ITGA2: variants seen among roughly 807,000 people sequenced by gnomAD.
The protein encoded by ITGA2 is integrin alpha-2.
A neutral mutation model predicts 146.3 loss-of-function variants in ITGA2; 101 were observed. The ratio of observed to expected loss-of-function variants is 0.69; its 90% CI spans 0.59 to 0.81. ITGA2 has a LOEUF of 0.81. Among genes scored for constraint, ITGA2 ranks in the 40% least tolerant of loss-of-function variants. The pLI is 0.00. For synonymous variants in ITGA2, 477 were observed against 487.1 expected (o/e 0.98, Z 0.27); for missense variants, 1,281 against 1,402.7 (o/e 0.91, Z 1.39).
chr5:53,048,391 G>T lies in ITGA2; in HGVS notation c.416G>T (p.Cys139Phe). The T allele has an allele frequency of 6.2e-7, 1 of 1,614,152 alleles. No individual in the cohort carries two copies. Among genetic ancestry groups the T allele is most frequent in the Non-Finnish European group, 8.5e-7 (1 of 1,179,982 alleles). ...LTCGPLWAQQ[C>F]GNQYYTTGVC... is the part of the protein sequence containing the mutation. ...TGTGGTCCTCTGTGGGCACAGCAAT[G>T]TGGGAATCAGTATTACACAACGGGT... Residue 139 changes from cysteine to phenylalanine, a missense_variant, in exon 5 of 30, where the codon TGT becomes TTT. Around this residue, in one of 3 missense-constraint regions of ITGA2, gnomAD observed 795 missense variants for 841.7 expected, o/e 0.94. Transcript: ENST00000296585.
At position 53,089,973 on chromosome 5, in the gene ITGA2, G is replaced by A; in HGVS notation, c.3376G>A (p.Glu1126Lys). 1 of 1,612,154 alleles carries A rather than the reference G, an allele frequency of 6.2e-7. No homozygotes were observed. Among genetic ancestry groups the A allele is most frequent in the Non-Finnish European group, 8.5e-7 (1 of 1,178,274 alleles). The change falls in exon 29 of 30, where the codon GAG (glutamate) becomes AAG (lysine). Residue 1126 changes from glutamate to lysine, a missense_variant. Glu to Lys is a moderately conservative substitution (Grantham distance 56, BLOSUM62 1). Around this residue, in one of 3 missense-constraint regions of ITGA2, gnomAD observed 475 missense variants for 530.5 expected, o/e 0.90. Coordinates refer to ENST00000296585, the MANE Select transcript of ITGA2 (RefSeq NM_002203.4). ...TIPLMIMKPD[E>K]KAEVPTGVII... ...TCCCCTGATGATAATGAAACCTGATGAGAAAGCCGAAGTACCAACAGGAGT... is the reference window on the plus strand; with the variant it reads ...TCCCCTGATGATAATGAAACCTGATAAGAAAGCCGAAGTACCAACAGGAGT...
intron 12 of ITGA2, 78 bp downstream of exon 12, chr5:53,061,124 A>G: frequency 7.2e-7 from 1 of 1,397,318 alleles, no homozygotes. Context: ...ACAGAAATGG[A>G]AAACAACATG....
At chr5:53,052,366 T>C (rs1241725076) in intron 7 of ITGA2, among the ~76,000 whole-genome samples, 1 of 152,066 alleles carries the variant, frequency 6.6e-6, no homozygotes, top group Non-Finnish European at 1.5e-5. Context: ...TCTGTTCCTA[T>C]GTAAGTTTGC....
Position 53,059,968 on chromosome 5 carries a change from C to T in ITGA2, c.1268C>T (p.Ala423Val), listed in dbSNP as rs145972986. 7 of 1,612,164 alleles carry T rather than the reference C, an allele frequency of 4.3e-6. No individual in the cohort carries two copies. The African/African-American group carries it at 6.7e-5, about 15-fold the overall frequency. The stretch of plus-strand genomic sequence containing the variant: ...GGCCATTTGATCTTTCCTAAACAAG[C>T]CTTTGACCAAATTCTGCAGGACAGA... The part of the protein sequence containing the change: ...SHGHLIFPKQ[A>V]FDQILQDRNH... Residue 423 changes from alanine (A) to valine (V), a missense_variant, in exon 11 of 30, where the codon GCC (alanine) becomes GTC (valine). Ala to Val is a moderately conservative substitution (Grantham distance 64, BLOSUM62 0). Around this residue, in one of 3 missense-constraint regions of ITGA2, gnomAD observed 795 missense variants for 841.7 expected, o/e 0.94. Coordinates refer to ENST00000296585, the MANE Select transcript of ITGA2 (RefSeq NM_002203.4).
chr5:53,010,251 G>A (rs1742056795), intron 1 of ITGA2, among the ~76,000 whole-genome samples: 1 of 152,186 alleles, frequency 6.6e-6, no homozygotes, highest in East Asian at 1.9e-4. Context: ...TGCCATCTTT[G>A]ACTGAAGGTG....
intron 4 of ITGA2, among the ~76,000 whole-genome samples, chr5:53,045,789 G>C (rs918038151): frequency 6.6e-6 from 1 of 151,694 alleles, no homozygotes; most frequent in Admixed American, 6.6e-5. Flanking sequence ...TAAAAAAAGG[G>C]AAAAACATCA....
intron 13 of ITGA2, among the ~76,000 whole-genome samples, chr5:53,064,666 C>T (rs1473031112): frequency 6.6e-6 from 1 of 151,904 alleles, no homozygotes; most frequent in Non-Finnish European, 1.5e-5. Context: ...CTTCAGCCTC[C>T]TGAGAGCTAG....
intron 2 of ITGA2, among the ~76,000 whole-genome samples, chr5:53,034,923 G>A (rs1161738456): frequency 3.9e-5 from 6 of 152,150 alleles, no homozygotes; most frequent in African/African-American, 1.4e-4. Flanking sequence ...GAGCAAAAGG[G>A]CAGGGGTGCA....
Position 52,989,374 on chromosome 5 carries a change from C to G in ITGA2, c.-95C>G. The G allele has an allele frequency of 3.1e-6, 4 of 1,311,038 alleles. No homozygotes were observed. Among genetic ancestry groups the G allele is most frequent in the Admixed American group, 1.7e-5 (1 of 58,146 alleles). 81.2% of individuals were successfully genotyped at this position (1,311,038 alleles called of 1,614,324 possible). A position where few individuals can be genotyped will look rare whatever the true frequency, so the allele number is the denominator to read the frequency against. ...GGGAGAGAAGCCCTCTGGACAGCTT[C>G]TAGAGTGTGCAGGTTCTCGTATCCC... On this transcript the variant is annotated 5_prime_UTR_variant, in exon 1 of 30. Coordinates refer to ENST00000296585, the MANE Select transcript of ITGA2 (RefSeq NM_002203.4).
At chr5:53,027,030 C>G (rs1036113002) in intron 2 of ITGA2, among the ~76,000 whole-genome samples, 162 bp downstream of exon 2, 1 of 152,184 alleles carries the variant, frequency 6.6e-6, no homozygotes, top group African/African-American at 2.4e-5. Flanking sequence ...CAACTGCAGA[C>G]TGATCATTAA....
chr5:52,989,886 T>A (rs1015581033), intron 1 of ITGA2, among the ~76,000 whole-genome samples: 1 of 151,404 alleles, frequency 6.6e-6, no homozygotes, highest in African/African-American at 2.4e-5. Flanking sequence ...TCCGCGGGTG[T>A]CCTGGAGACC....
At position 53,060,113 on chromosome 5, in the gene ITGA2, T is replaced by C. The variant is rs1179682957; in HGVS notation, c.1312+101T>C. 2.1e-5 allele frequency: 25 copies of C among 1,202,588 alleles called. 1 individual carries two copies. The Middle Eastern group carries it at 6.2e-4, about 30-fold the overall frequency. 74.5% of individuals were successfully genotyped at this position (1,202,588 alleles called of 1,614,324 possible). ...TGAGTTCAGCAAAATCCTTGAACTG[T>C]CATCTAATTATCATATTTATTACAC... On this transcript the variant is annotated intron_variant, in intron 11 of 29. Transcript: ENST00000296585.
At chr5:53,063,198 G>A (rs775839533) in intron 13 of ITGA2, among the ~76,000 whole-genome samples, 2 of 151,834 alleles carry the variant, frequency 1.3e-5, no homozygotes, top group Non-Finnish European at 2.9e-5. Context: ...GCCATTATAA[G>A]TGCACATCGT....
intron 27 of ITGA2, among the ~76,000 whole-genome samples, chr5:53,086,124 C>G (rs1746148336): frequency 6.6e-6 from 1 of 152,060 alleles, no homozygotes. Context: ...CCAGGCTGGT[C>G]TTGAACTCCT....
chr5:53,011,566 A>G (rs1199880941), intron 1 of ITGA2, among the ~76,000 whole-genome samples: 6 of 152,104 alleles, frequency 3.9e-5, no homozygotes, highest in Non-Finnish European at 7.4e-5. Context: ...GATGCCCTGA[A>G]AGTTTTATCT....
At chr5:53,024,529 G>A (rs951289615) in intron 1 of ITGA2, among the ~76,000 whole-genome samples, 5 of 152,200 alleles carry the variant, frequency 3.3e-5, no homozygotes, top group Admixed American at 2.6e-4. Flanking sequence ...TTACATTTTA[G>A]TAGGCACAGA....
intron 28 of ITGA2, among the ~76,000 whole-genome samples, chr5:53,088,157 G>A (rs3212641): frequency 0.15 from 22,180 of 152,134 alleles, 1,767 homozygotes; most frequent in Admixed American, 0.23. Context: ...TAGGGGAGAA[G>A]TATTATAGAT....
chr5:53,026,689 T>C (rs2111815520), intron 1 of ITGA2, 59 bp from the exon 2 acceptor site: 1 of 1,480,526 alleles, frequency 6.8e-7, no homozygotes, highest in East Asian at 2.3e-5. Flanking sequence ...TTGAGAATTA[T>C]ACGACACACT....
At chr5:53,014,220 G>GA (rs1404565216) in intron 1 of ITGA2, among the ~76,000 whole-genome samples, 3 of 152,126 alleles carry the variant, frequency 2.0e-5, no homozygotes, top group Non-Finnish European at 4.4e-5. Flanking sequence ...CATTCAGTAT[G>GA]ATGTTGGCTG....
Sources: allele counts gnomAD v4.1 joint callset (sites outside exome capture counted in the v4.1 genomes callset), GRCh38; gene constraint gnomAD v4.1.1; regional missense constraint gnomAD v4.1.1; transcripts MANE v1.5; gene names NCBI Gene and HGNC (gene_info 2026-07-23, HGNC 2026-07-21).